USP3: variants seen among roughly 807,000 people sequenced by gnomAD.
USP3 encodes the protein ubiquitin specific peptidase 3.
Under a neutral mutation model 72.3 loss-of-function variants are expected in USP3, and 20 were observed. The ratio of observed to expected loss-of-function variants is 0.28; its 90% CI spans 0.19 to 0.40. The LOEUF (loss-of-function observed/expected upper bound fraction) is 0.40, where lower values mean the gene tolerates loss of function less well. USP3 is among the 10% of genes least tolerant of loss of function. The probability of loss-of-function intolerance (pLI) is 1.00; values close to 1 mark genes in which losing one functional copy is unlikely to be tolerated. For synonymous variants in USP3, 222 were observed against 225.3 expected (o/e 0.99, Z 0.13); for missense variants, 479 against 633.9 (o/e 0.76, Z 2.62).
chr15:63,577,111 G>A (rs2066877018), intron 11 of USP3, among the ~76,000 whole-genome samples: 1 of 152,138 alleles, frequency 6.6e-6, no homozygotes, highest in African/African-American at 2.4e-5. Context: ...CTAAAAATAC[G>A]CATATTGCAA....
chr15:63,515,021 T>A (rs1466338281), intron 1 of USP3, among the ~76,000 whole-genome samples: 1 of 152,252 alleles, frequency 6.6e-6, no homozygotes, highest in African/African-American at 2.4e-5. Flanking sequence ...TGAAACAATT[T>A]GAGCTCCTAA....
intron 8 of USP3, among the ~76,000 whole-genome samples, chr15:63,567,580 T>A (rs890923843): frequency 2.0e-5 from 3 of 151,656 alleles, no homozygotes; most frequent in Admixed American, 6.6e-5. Context: ...TCTCCTGACC[T>A]CATGATCTGC....
At chr15:63,589,174 G>A (rs1334407725) in intron 14 of USP3, 163 bp downstream of exon 14, 3 of 707,484 alleles carry the variant, frequency 4.2e-6, no homozygotes, top group East Asian at 2.7e-5. Flanking sequence ...CTCAGATGAT[G>A]TTGTGAAGGC....
At chr15:63,557,340 G>A (rs1156268057) in intron 5 of USP3, among the ~76,000 whole-genome samples, 1 of 151,532 alleles carries the variant, frequency 6.6e-6, no homozygotes, top group Non-Finnish European at 1.5e-5. Context: ...TTGGCCCATT[G>A]CAACCTCAGC....
rs748609348 is a variant in USP3, at chr15:63,574,293, GCTCT to G, written c.1016-27_1016-24del. On this transcript the variant is annotated intron_variant, in intron 10 of 14. Coordinates refer to ENST00000380324, the MANE Select transcript of USP3 (RefSeq NM_006537.4). This position sits in a 1 kb window ranked among gnomAD's most constrained non-coding sequence, Gnocchi z 4.6. ...TGAATGGACATATATGCCTTTAACA[GCTCT>G]CTGTTTACCTCTCTCTCCTTTTAAG... 523 of 1,550,260 alleles carry G rather than the reference GCTCT, an allele frequency of 3.4e-4. 1 individual carries two copies. The highest frequency in any genetic ancestry group is 4.2e-4 in the Non-Finnish European group (481 of 1,151,136).
Position 63,574,969 on chromosome 15 carries a change from G to C in USP3, c.1096+566G>C, listed in dbSNP as rs1394864882. ...TTTTATCCTAGACCATAAGTGTACAGACAGGTCACAATTAAAATGACTAAT... is the reference window on the plus strand; with the variant it reads ...TTTTATCCTAGACCATAAGTGTACACACAGGTCACAATTAAAATGACTAAT... On this transcript the variant is annotated intron_variant, in intron 11 of 14. Coordinates refer to ENST00000380324, the MANE Select transcript of USP3 (RefSeq NM_006537.4). This position sits in a 1 kb window ranked among gnomAD's most constrained non-coding sequence, Gnocchi z 4.6. Among the ~76,000 whole-genome samples, 1 of 152,114 alleles carries C rather than the reference G, an allele frequency of 6.6e-6. No homozygotes were observed. The highest frequency in any genetic ancestry group is 1.5e-5 in the Non-Finnish European group (1 of 68,018).
chr15:63,557,057 G>C, intron 5 of USP3: 1 of 181,592 alleles, frequency 5.5e-6, no homozygotes, highest in South Asian at 1.4e-4. Flanking sequence ...TTAAGACTAA[G>C]TCTTTAGCTT....
intron 8 of USP3, among the ~76,000 whole-genome samples, chr15:63,569,210 GTACCTCCTTAGATATACAAAGGAAC>G (rs1429585269): frequency 5.3e-5 from 8 of 152,086 alleles, no homozygotes; most frequent in Non-Finnish European, 8.8e-5. Flanking sequence ...TAAGTTTAAG[GTACCTCCTTAGATATACAAAGGAAC>G]TACCAACTTT....
At chr15:63,537,953 G>A (rs2066183989) in intron 3 of USP3, among the ~76,000 whole-genome samples, 1 of 151,514 alleles carries the variant, frequency 6.6e-6, no homozygotes, top group Admixed American at 6.6e-5. Context: ...CTAAAGTGCT[G>A]GGATTAACAG....
Position 63,594,055 on chromosome 15 carries a change from T to A in USP3, c.*3229T>A, listed in dbSNP as rs1180411998. Reference sequence around the variant, plus strand: ...ACCAGTCAAGTGTACTGGCCCGGGGTGAGTGTTAAATGTGTATCTCGCCTG... The same window carrying A: ...ACCAGTCAAGTGTACTGGCCCGGGGAGAGTGTTAAATGTGTATCTCGCCTG... On this transcript the variant is annotated 3_prime_UTR_variant, in exon 15 of 15. Transcript: ENST00000380324. 4 of 152,246 alleles carry A rather than the reference T, an allele frequency of 2.6e-5. No individual in the cohort carries two copies. The highest frequency in any genetic ancestry group is 4.4e-5 in the Non-Finnish European group (3 of 68,098). 9.4% of individuals were successfully genotyped at this position (152,246 alleles called of 1,614,324 possible).
intron 3 of USP3, among the ~76,000 whole-genome samples, chr15:63,548,280 C>T (rs1436649748): frequency 3.3e-5 from 5 of 152,056 alleles, no homozygotes; most frequent in Non-Finnish European, 5.9e-5. Context: ...ATTACAGGTG[C>T]ACACCATCAT....
Position 63,504,657 on chromosome 15 carries a change from CCAGACGGAGCCTCCGGAGTT to C in USP3, c.-81_-62del. ...GCCGAGCGCCCGGCTAGAAGCGACACCAGACGGAGCCTCCGGAGTTCCTCCGCCCCCACCTCGCCGGGTCC... is the reference window on the plus strand; with the variant it reads ...GCCGAGCGCCCGGCTAGAAGCGACACCCTCCGCCCCCACCTCGCCGGGTCC... On this transcript the variant is annotated 5_prime_UTR_variant, in exon 1 of 15. Coordinates refer to ENST00000380324, the MANE Select transcript of USP3 (RefSeq NM_006537.4). 8.0e-7 allele frequency: 1 copy of C among 1,252,052 alleles called. No individual in the cohort carries two copies. Among genetic ancestry groups the C allele is most frequent in the Non-Finnish European group, 1.1e-6 (1 of 926,768 alleles). 77.6% of individuals were successfully genotyped at this position (1,252,052 alleles called of 1,614,324 possible).
intron 3 of USP3, among the ~76,000 whole-genome samples, chr15:63,545,116 A>G (rs2066300800): frequency 6.6e-6 from 1 of 152,226 alleles, no homozygotes; most frequent in South Asian, 2.1e-4. Context: ...TGTAATGAGA[A>G]AATTGAGCAG....
At chr15:63,559,096 C>T (rs1033958285) in intron 6 of USP3, among the ~76,000 whole-genome samples, 3 of 151,910 alleles carry the variant, frequency 2.0e-5, no homozygotes, top group East Asian at 1.9e-4. Flanking sequence ...AAAAATCAGA[C>T]GTTGGTGATG....
rs892559792 is a variant in USP3, at chr15:63,574,594, T to C, written c.1096+191T>C. ...GAATAAGAATGTGTGCCATAAGATATTGTGTGAAGCATAAAATATTTCTCA... is the reference window on the plus strand; with the variant it reads ...GAATAAGAATGTGTGCCATAAGATACTGTGTGAAGCATAAAATATTTCTCA... On this transcript the variant is annotated intron_variant, in intron 11 of 14. Coordinates refer to ENST00000380324, the MANE Select transcript of USP3 (RefSeq NM_006537.4). This position sits in a 1 kb window ranked among gnomAD's most constrained non-coding sequence, Gnocchi z 4.6. Among the ~76,000 whole-genome samples, 2 of 152,014 alleles carry C rather than the reference T, an allele frequency of 1.3e-5. No homozygotes were observed. The highest frequency in any genetic ancestry group is 2.9e-5 in the Non-Finnish European group (2 of 68,036).
intron 11 of USP3, among the ~76,000 whole-genome samples, chr15:63,587,348 A>G (rs944392686): frequency 6.6e-6 from 1 of 151,774 alleles, no homozygotes; most frequent in African/African-American, 2.4e-5. Flanking sequence ...AATAACGTGT[A>G]TTTTATATAG....
Position 63,510,811 on chromosome 15 carries a change from C to G in USP3, c.91+5981C>G, listed in dbSNP as rs144224713. Among the ~76,000 whole-genome samples, 237 of 152,228 alleles carry G rather than the reference C, an allele frequency of 1.6e-3. 1 individual carries two copies. Among genetic ancestry groups the G allele is most frequent in the African/African-American group, 5.5e-3 (228 of 41,534 alleles). ...TTGTGCCAAGACCCCTCAAGATGCT[C>G]TGAGATTTCTGTGTAGTGGTTTCTT... On this transcript the variant is annotated intron_variant, in intron 1 of 14. Transcript: ENST00000380324.
intron 7 of USP3, among the ~76,000 whole-genome samples, chr15:63,561,999 GCTGT>G (rs1227726049): frequency 3.3e-5 from 5 of 152,092 alleles, no homozygotes; most frequent in African/African-American, 1.2e-4. Flanking sequence ...AAAGTCAGAG[GCTGT>G]CTGTCTAGGG....
At chr15:63,577,444 T>C (rs763824137) in intron 11 of USP3, among the ~76,000 whole-genome samples, 57 of 152,082 alleles carry the variant, frequency 3.7e-4, no homozygotes, top group Non-Finnish European at 6.3e-4. Context: ...CTGGGCAACA[T>C]AGTGAGACCC....
Sources: gnomAD v4.1 joint callset for allele counts (sites outside exome capture counted in the v4.1 genomes callset) on GRCh38, gnomAD v4.1.1 for gene constraint, Gnocchi (gnomAD v3.1) non-coding constraint, MANE v1.5 for transcripts, NCBI Gene and HGNC (gene_info 2026-07-23, HGNC 2026-07-21) for gene names.